CERS2: variants seen among roughly 807,000 people sequenced by gnomAD.
CERS2 encodes the protein ceramide synthase 2.
CERS2 carries 20 observed loss-of-function variants against 56.6 expected under a neutral mutation model. The observed-to-expected ratio is 0.35, with a 90% CI of 0.25 to 0.51. CERS2 has a LOEUF of 0.51. Ranked by LOEUF, CERS2 falls within the 20% of genes least tolerant of loss-of-function variation. The pLI is 0.96. For missense variants in CERS2, 361 were observed against 488.6 expected (o/e 0.74, Z 2.46); for synonymous variants, 187 against 175.4 (o/e 1.07, Z -0.52).
chr1:150,966,584 G>A lies in CERS2; in HGVS notation c.894C>T (p.Ala298=), dbSNP rs370326493. The A allele has an allele frequency of 5.6e-6, 9 of 1,613,982 alleles. No homozygotes were observed. Among genetic ancestry groups the A allele is most frequent in the East Asian group, 4.5e-5 (2 of 44,894 alleles). Residue 298 remains alanine, a synonymous_variant, in exon 10 of 11, where the codon GCC becomes GCT. Transcript: ENST00000368954. ...TLVYPLELYP[A]FFGYYFFNSM... Reference sequence around the variant, plus strand: ...AATTGAAGAAGTAATAGCCAAAGAAGGCAGGATAGAGCTCCAGTGGGTACA... The same window carrying A: ...AATTGAAGAAGTAATAGCCAAAGAAAGCAGGATAGAGCTCCAGTGGGTACA...
chr1:150,965,969 G>C lies in CERS2; in HGVS notation c.*179C>G. On this transcript the variant is annotated 3_prime_UTR_variant, in exon 11 of 11. Transcript: ENST00000368954. The stretch of plus-strand genomic sequence containing the variant: ...TATAACCAACGTCCCCCTACCTGGG[G>C]ATAGGCTGGTTAGAATTTGGTTTAA... The C allele has an allele frequency of 1.6e-6, 1 of 620,432 alleles. No homozygotes were observed. The highest frequency in any genetic ancestry group is 2.3e-5 in the South Asian group (1 of 44,154). 38.4% of individuals were successfully genotyped at this position (620,432 alleles called of 1,614,324 possible).
chr1:150,969,197 G>C (rs113748155), intron 1 of CERS2, 106 bp from the exon 2 acceptor site: 5 of 931,846 alleles, frequency 5.4e-6, no homozygotes, highest in African/African-American at 1.6e-5. Flanking sequence ...GGGGCAGAGA[G>C]TCGAACTCTA....
rs1670998864 is a variant in CERS2 at position 150,965,980 on chromosome 1, T to C, written c.*168A>G. ...TCCCCCTACCTGGGGATAGGCTGGT[T>C]AGAATTTGGTTTAAAGGCAACTGGG... On this transcript the variant is annotated 3_prime_UTR_variant, in exon 11 of 11. Coordinates refer to ENST00000368954, the MANE Select transcript of CERS2 (RefSeq NM_022075.5). 3.0e-6 allele frequency: 2 copies of C among 672,552 alleles called. No individual in the cohort carries two copies. Among genetic ancestry groups the C allele is most frequent in the Non-Finnish European group, 4.8e-6 (2 of 412,680 alleles). 41.7% of individuals were successfully genotyped at this position (672,552 alleles called of 1,614,324 possible).
chr1:150,972,536 G>C (rs1671208186), intron 1 of CERS2, among the ~76,000 whole-genome samples: 1 of 152,360 alleles, frequency 6.6e-6, no homozygotes, highest in East Asian at 1.9e-4. Context: ...TGTACACACG[G>C]TAAGGAGACA....
chr1:150,972,219 G>T (rs1157439930), intron 1 of CERS2, among the ~76,000 whole-genome samples: 1 of 152,134 alleles, frequency 6.6e-6, no homozygotes, highest in East Asian at 1.9e-4. Context: ...AGATTAATGG[G>T]GGCTTTTACA....
At chr1:150,971,088 C>A (rs1671168921) in intron 1 of CERS2, among the ~76,000 whole-genome samples, 1 of 152,200 alleles carries the variant, frequency 6.6e-6, no homozygotes, top group Non-Finnish European at 1.5e-5. Flanking sequence ...CAGCAAACAC[C>A]TGGCAATCCT....
chr1:150,966,153 C>T lies in CERS2; in HGVS notation c.1138G>A (p.Asp380Asn). Residue 380 changes from aspartate to asparagine, a missense_variant, in exon 11 of 11, where the codon GAC becomes AAC. Asp to Asn is a conservative substitution (Grantham distance 23, BLOSUM62 1). Transcript: ENST00000368954. ...PILNNNHRKN[D>N] ...GAGGCAGCTGGAGTAATGGTTCAGT[C>T]ATTCTTACGATGGTTGTTATTGAGG... The T allele has an allele frequency of 6.2e-7, 1 of 1,611,522 alleles. No homozygotes were observed. Among genetic ancestry groups the T allele is most frequent in the Non-Finnish European group, 8.5e-7 (1 of 1,179,262 alleles).
rs1016420014 is a variant in CERS2 at position 150,966,263 on chromosome 1, C to T, written c.1028G>A (p.Arg343Gln). The T allele has an allele frequency of 3.7e-6, 6 of 1,611,342 alleles. No homozygotes were observed. The highest frequency in any genetic ancestry group is 4.2e-6 in the Non-Finnish European group (5 of 1,179,254). The part of the protein sequence containing the change: ...GKLVEDERSD[R>Q]EETESSEGEE... ...CCCCTCTGAGCTCTCTGTTTCTTCC[C>T]GGTCACTGCGTTCATCTTCTACCAG... Residue 343 changes from arginine to glutamine, a missense_variant, in exon 11 of 11, where the codon CGG becomes CAG. Arg to Gln is a conservative substitution (Grantham distance 43, BLOSUM62 1). Coordinates refer to ENST00000368954, the MANE Select transcript of CERS2 (RefSeq NM_022075.5).
At chr1:150,966,655 G>T (rs370813912) in intron 9 of CERS2, 26 bp from the exon 10 acceptor site, 2 of 1,613,306 alleles carry the variant, frequency 1.2e-6, no homozygotes, top group Non-Finnish European at 1.7e-6. Flanking sequence ...GAGAGAGAAC[G>T]TGGACAAGAG....
chr1:150,972,588 T>C (rs941076354), intron 1 of CERS2, among the ~76,000 whole-genome samples: 1 of 152,364 alleles, frequency 6.6e-6, no homozygotes, highest in East Asian at 1.9e-4. Context: ...GGGCAGTTAC[T>C]TGACTTCTTA....
In CERS2 at chr1:150,967,732, G is replaced by A. The variant is rs754275107; in HGVS notation, c.469-18C>T. On this transcript the variant is annotated intron_variant, in intron 5 of 10. Transcript: ENST00000368954. ...CAGGGTTTCTGCAGAGAGATGGTGA[G>A]AAGTTAAAAGAGGAGGAACCCAAAT... 6 of 1,613,326 alleles carry A rather than the reference G, an allele frequency of 3.7e-6. No individual in the cohort carries two copies. The highest frequency in any genetic ancestry group is 4.5e-5 in the East Asian group (2 of 44,896).
At chr1:150,974,425 C>G (rs1671267402) in intron 1 of CERS2, 194 bp downstream of exon 1, 1 of 148,980 alleles carries the variant, frequency 6.7e-6, no homozygotes, top group Admixed American at 6.7e-5. Flanking sequence ...CCCGCCTTAC[C>G]CGGCGGCCGC....
At chr1:150,971,762 G>C (rs962712692) in intron 1 of CERS2, 3 of 436,106 alleles carry the variant, frequency 6.9e-6, no homozygotes, top group Middle Eastern at 3.9e-4. Context: ...GGACAATGCG[G>C]AACACTTTGA....
Position 150,966,272 on chromosome 1 carries a change from C to T in CERS2, c.1019G>A (p.Arg340His). The change falls in exon 11 of 11, where the codon CGC becomes CAC. Residue 340 changes from arginine to histidine, a missense_variant. Arg to His is a conservative substitution (Grantham distance 29). This residue lies in a region of CERS2 where 122 missense variants were observed against 151.9 expected (regional missense o/e 0.80). Transcript: ENST00000368954. ...GCTCTCTGTTTCTTCCCGGTCACTGCGTTCATCTTCTACCAGCTGTGGAAA... is the reference window on the plus strand; with the variant it reads ...GCTCTCTGTTTCTTCCCGGTCACTGTGTTCATCTTCTACCAGCTGTGGAAA... ...FITGKLVEDERSDREETESSE... is the reference protein window; with the variant it reads ...FITGKLVEDEHSDREETESSE... 1 of 1,612,042 alleles carries T rather than the reference C, an allele frequency of 6.2e-7. No individual in the cohort carries two copies. Among genetic ancestry groups the T allele is most frequent in the Non-Finnish European group, 8.5e-7 (1 of 1,179,454 alleles).
chr1:150,965,989 G>C lies in CERS2; in HGVS notation c.*159C>G. On this transcript the variant is annotated 3_prime_UTR_variant, in exon 11 of 11. Coordinates refer to ENST00000368954, the MANE Select transcript of CERS2 (RefSeq NM_022075.5). ...CTGGGGATAGGCTGGTTAGAATTTG[G>C]TTTAAAGGCAACTGGGTGACAAGCA... 1 of 754,888 alleles carries C rather than the reference G, an allele frequency of 1.3e-6. No individual in the cohort carries two copies. Among genetic ancestry groups the C allele is most frequent in the Non-Finnish European group, 2.1e-6 (1 of 482,430 alleles). 46.8% of individuals were successfully genotyped at this position (754,888 alleles called of 1,614,324 possible). A position where few individuals can be genotyped will look rare whatever the true frequency, so the allele number is the denominator to read the frequency against.
At chr1:150,968,326 C>G (rs1326434940) in intron 3 of CERS2, 69 bp downstream of exon 3, 1 of 1,491,326 alleles carries the variant, frequency 6.7e-7, no homozygotes, top group Admixed American at 1.7e-5. Context: ...CCAGAGCTAA[C>G]ATTCAAACCC....
chr1:150,970,883 CCT>C (rs1158581270), intron 1 of CERS2, among the ~76,000 whole-genome samples: 3 of 152,134 alleles, frequency 2.0e-5, no homozygotes, highest in Non-Finnish European at 4.4e-5. Context: ...ACACCCATAC[CCT>C]CTCAGTCTAG....
At position 150,966,248 on chromosome 1, in the gene CERS2, C is replaced by G. The variant is rs1671011810; in HGVS notation, c.1043G>C (p.Ser348Thr). ...AGCTGCAGCCTCCTCCCCCTCTGAG[C>G]TCTCTGTTTCTTCCCGGTCACTGCG... ...DERSDREETE[S>T]SEGEEAAAGG... Residue 348 changes from serine (S) to threonine (T), a missense_variant, in exon 11 of 11, where the codon AGC becomes ACC. Ser to Thr is a moderately conservative substitution (Grantham distance 58, BLOSUM62 1). This residue lies in a region of CERS2 where 122 missense variants were observed against 151.9 expected (regional missense o/e 0.80). Transcript: ENST00000368954. 6.2e-7 allele frequency: 1 copy of G among 1,610,732 alleles called. No individual in the cohort carries two copies. The highest frequency in any genetic ancestry group is 8.5e-7 in the Non-Finnish European group (1 of 1,179,138).
intron 1 of CERS2, among the ~76,000 whole-genome samples, chr1:150,973,604 G>A (rs1463878478): frequency 6.6e-6 from 1 of 152,212 alleles, no homozygotes; most frequent in Non-Finnish European, 1.5e-5. Flanking sequence ...CTTACCCTTA[G>A]GAGCCCCTTT....
Sources: gnomAD v4.1 joint callset for allele counts (sites outside exome capture counted in the v4.1 genomes callset) on GRCh38, gnomAD v4.1.1 for gene constraint, gnomAD v4.1.1 regional missense constraint, MANE v1.5 for transcripts, NCBI Gene and HGNC (gene_info 2026-07-23, HGNC 2026-07-21) for gene names.